Variants in PSMA1 observed in about 807,000 individuals in gnomAD.
PSMA1 encodes proteasome 20S subunit alpha 1, also known as proteasome subunit alpha type-1.
Under a neutral mutation model 38.4 loss-of-function variants are expected in PSMA1, and 3 were observed. The ratio of observed to expected loss-of-function variants is 0.08; its 90% CI spans 0.04 to 0.20. The LOEUF is 0.20. Ranked by LOEUF, PSMA1 falls within the 10% of genes least tolerant of loss-of-function variation. PSMA1 has a pLI of 1.00. For synonymous variants in PSMA1, 101 were observed against 107.1 expected, an observed-to-expected ratio of 0.94 and a Z score of 0.35; for missense variants, 227 against 325.3, an observed-to-expected ratio of 0.70 and a Z score of 2.32.
chr11:14,512,149 C>T (rs576391076), intron 7 of PSMA1, among the ~76,000 whole-genome samples: 9 of 152,222 alleles, frequency 5.9e-5, no homozygotes, highest in East Asian at 1.9e-4. Context: ...CCCAGTTGGG[C>T]GGATCGCCTG....
At chr11:14,636,900 T>C (rs571539349) in intron 1 of PSMA1, among the ~76,000 whole-genome samples, 3 of 152,354 alleles carry the variant, frequency 2.0e-5, no homozygotes, top group Admixed American at 1.3e-4. Context: ...TACAGAACTT[T>C]ATCTTTCATT....
rs113120563 is a variant in PSMA1 at position 14,514,175 on chromosome 11, T to G, written c.343+228A>C. 1,751 of 1,337,204 alleles carry G rather than the reference T, an allele frequency of 1.3e-3. 19 individuals carry two copies. In the African/African-American group the frequency reaches 0.022, roughly 17 times the overall value. The allele number at this position is 1,337,204 out of a possible 1,614,324, so 82.8% of individuals were successfully genotyped here. A position where few individuals can be genotyped will look rare whatever the true frequency, so the allele number is the denominator to read the frequency against. ...GGACATCTAGAACCATTAAGAAACT[T>G]TAAATCCCCTCTAAAAAGATGCTTA... is the stretch of plus-strand genomic sequence containing the variant. On this transcript the variant is annotated intron_variant, in intron 5 of 9. Coordinates refer to ENST00000396394, the MANE Select transcript of PSMA1 (RefSeq NM_002786.4).
At chr11:14,614,643 T>C (rs1852749771) in intron 1 of PSMA1, among the ~76,000 whole-genome samples, 1 of 152,224 alleles carries the variant, frequency 6.6e-6, no homozygotes, top group African/African-American at 2.4e-5. Flanking sequence ...AAGCTAGAAA[T>C]TTGATTCTCA....
chr11:14,598,900 T>G (rs930296827), intron 2 of PSMA1, among the ~76,000 whole-genome samples: 1 of 152,054 alleles, frequency 6.6e-6, no homozygotes, highest in African/African-American at 2.4e-5. Flanking sequence ...TTTCCATGTT[T>G]AGTGCTTCCT....
chr11:14,570,336 C>G (rs921423553), intron 2 of PSMA1, among the ~76,000 whole-genome samples: 5 of 152,160 alleles, frequency 3.3e-5, no homozygotes, highest in African/African-American at 1.2e-4. Context: ...TCCTCACCAG[C>G]AATGGAACAA....
At chr11:14,505,860 G>C (rs1323012331) in intron 9 of PSMA1, among the ~76,000 whole-genome samples, 1 of 152,026 alleles carries the variant, frequency 6.6e-6, no homozygotes, top group African/African-American at 2.4e-5. Context: ...AAAAAAATGT[G>C]CTGGGCATGG....
At chr11:14,594,751 A>G (rs141603594) in intron 2 of PSMA1, among the ~76,000 whole-genome samples, 68 of 152,216 alleles carry the variant, frequency 4.5e-4, no homozygotes, top group African/African-American at 1.5e-3. Context: ...GGTTGAAAAA[A>G]TGCATAACGT....
intron 2 of PSMA1, among the ~76,000 whole-genome samples, chr11:14,588,642 C>T (rs1188721793): frequency 6.6e-6 from 1 of 152,214 alleles, no homozygotes; most frequent in African/African-American, 2.4e-5. Flanking sequence ...TTTGAAACAG[C>T]ATTTCTCCAT....
intron 2 of PSMA1, among the ~76,000 whole-genome samples, chr11:14,579,001 AC>A (rs1003150670): frequency 7.2e-5 from 11 of 152,314 alleles, no homozygotes; most frequent in Non-Finnish European, 1.5e-4. Flanking sequence ...AGGTGAAGAA[AC>A]CAGCTCAAAG....
intron 2 of PSMA1, among the ~76,000 whole-genome samples, chr11:14,572,610 G>A (rs1018874895): frequency 6.6e-6 from 1 of 152,060 alleles, no homozygotes; most frequent in Non-Finnish European, 1.5e-5. Context: ...AAGAACTAGA[G>A]AAGCAAGAGC....
At chr11:14,532,461 C>G (rs1851657839) in intron 2 of PSMA1, among the ~76,000 whole-genome samples, 1 of 151,736 alleles carries the variant, frequency 6.6e-6, no homozygotes, top group African/African-American at 2.4e-5. Context: ...AAAACTTAGC[C>G]CGGCGTAGTG....
intron 1 of PSMA1, among the ~76,000 whole-genome samples, chr11:14,617,773 C>T (rs151158420): frequency 5.9e-5 from 9 of 151,438 alleles, no homozygotes; most frequent in Non-Finnish European, 1.2e-4. Flanking sequence ...TTACTGTTAC[C>T]GCTGCTGTGA....
intron 2 of PSMA1, among the ~76,000 whole-genome samples, chr11:14,541,590 C>G (rs1851773576): frequency 6.6e-6 from 1 of 152,242 alleles, no homozygotes. Context: ...CTTGACTCTG[C>G]TTCCCCACTG....
intron 2 of PSMA1, among the ~76,000 whole-genome samples, chr11:14,557,541 C>T (rs1851954752): frequency 6.6e-6 from 1 of 152,196 alleles, no homozygotes. Context: ...CGTGCCTGGC[C>T]ATCTTTTAAT....
intron 2 of PSMA1, among the ~76,000 whole-genome samples, chr11:14,587,393 C>G (rs1435116783): frequency 6.6e-6 from 1 of 152,240 alleles, no homozygotes; most frequent in Non-Finnish European, 1.5e-5. Context: ...CTCCTTCTGT[C>G]TGACAGCCAA....
At chr11:14,589,819 A>C (rs1852390207) in intron 2 of PSMA1, among the ~76,000 whole-genome samples, 1 of 152,162 alleles carries the variant, frequency 6.6e-6, no homozygotes, top group African/African-American at 2.4e-5. Context: ...TTAGCATCCA[A>C]GATGAAGTGG....
intron 2 of PSMA1, among the ~76,000 whole-genome samples, chr11:14,557,473 A>G (rs934922837): frequency 6.6e-6 from 1 of 152,050 alleles, no homozygotes; most frequent in African/African-American, 2.4e-5. Context: ...CGATCTCTTG[A>G]CTTCGTGATC....
intron 2 of PSMA1, among the ~76,000 whole-genome samples, chr11:14,601,061 T>C (rs963294147): frequency 6.6e-6 from 1 of 152,250 alleles, no homozygotes; most frequent in African/African-American, 2.4e-5. Flanking sequence ...TAGCATTATG[T>C]CATGCATTAT....
At chr11:14,522,401 G>A (rs532338678), upstream of PSMA1, among the ~76,000 whole-genome samples, 2 of 152,280 alleles carry the variant, frequency 1.3e-5, no homozygotes, top group East Asian at 1.9e-4. Flanking sequence ...AAGTAGAATT[G>A]TGGGGTCAAA....
Sources: allele counts gnomAD v4.1 joint callset (sites outside exome capture counted in the v4.1 genomes callset), GRCh38; gene constraint gnomAD v4.1.1; transcripts MANE v1.5; gene names NCBI Gene and HGNC (gene_info 2026-07-23, HGNC 2026-07-21).